The following IFT122 variants were observed in gnomAD, a reference collection of about 807,000 sequenced individuals.
IFT122 encodes intraflagellar transport 122, also known as intraflagellar transport protein 122 homolog.
In IFT122, 118 loss-of-function variants were observed where a neutral mutation model predicts 161.6. The ratio of observed to expected loss-of-function variants is 0.73; its 90% CI spans 0.63 to 0.85. IFT122 has a LOEUF of 0.85. Among genes scored for constraint, IFT122 ranks in the 40% least tolerant of loss-of-function variants. The pLI is 0.00. For missense variants in IFT122, 1,381 were observed against 1,579.6 expected, an observed-to-expected ratio of 0.87 and a Z score of 2.13; for synonymous variants, 550 against 602.4, an observed-to-expected ratio of 0.91 and a Z score of 1.27.
chr3:129,469,518 G>A, intron 9 of IFT122, 101 bp downstream of exon 9: 2 of 921,218 alleles, frequency 2.2e-6, no homozygotes, highest in Non-Finnish European at 3.5e-6. Context: ...GTTAGTTCCT[G>A]CTTATTGAGC....
rs757979000 is a variant in IFT122 at position 129,507,675 on chromosome 3, C to T, written c.2799C>T (p.Ala933=). 6.2e-6 allele frequency: 10 copies of T among 1,613,976 alleles called. No homozygotes were observed. The South Asian group carries it at 9.9e-5, about 16-fold the overall frequency. ...ACCCGCTGCACACAGCAGATCCTGCCCAGAAGGACACAATGCTTGGCAAGT... is the reference window on the plus strand; with the variant it reads ...ACCCGCTGCACACAGCAGATCCTGCTCAGAAGGACACAATGCTTGGCAAGT... ...MQCLDIAQDP[A]QKDTMLGKFY... is the part of the protein sequence containing the mutation. The change falls in exon 23 of 30, where the codon GCC becomes GCT. Residue 933 remains alanine, a synonymous_variant. Transcript: ENST00000348417.
At chr3:129,469,192 G>T in intron 8 of IFT122, 150 bp from the exon 9 acceptor site, 1 of 688,056 alleles carries the variant, frequency 1.5e-6, no homozygotes. Context: ...GATGGGTTGG[G>T]CCAAATTATA....
intron 1 of IFT122, 66 bp downstream of exon 1, chr3:129,440,437 G>A: frequency 7.2e-6 from 11 of 1,536,826 alleles, no homozygotes; most frequent in Non-Finnish European, 9.7e-6. Context: ...GCGAGCCGCT[G>A]CAGCGTGTTT....
In IFT122 at chr3:129,499,213, T is replaced by C. The variant is rs71333617; in HGVS notation, c.2209-689T>C. ...AGCACAGGATCCCTAACCATTCAGC[T>C]GAGAAGCAACTAACCAGAGAGATGT... On this transcript the variant is annotated intron_variant, in intron 18 of 29. Transcript: ENST00000348417. Among the ~76,000 whole-genome samples, 1,406 of 152,246 alleles carry C rather than the reference T, an allele frequency of 9.2e-3. 17 individuals carry two copies. The highest frequency in any genetic ancestry group is 0.032 in the African/African-American group (1,313 of 41,482).
intron 17 of IFT122, among the ~76,000 whole-genome samples, chr3:129,495,207 A>G (rs1412775393): frequency 6.6e-6 from 1 of 152,218 alleles, no homozygotes; most frequent in Non-Finnish European, 1.5e-5. Context: ...AGGAATTTCC[A>G]TTAAACAAAC....
At chr3:129,509,369 G>T (rs1488254139) in intron 23 of IFT122, among the ~76,000 whole-genome samples, 1 of 152,146 alleles carries the variant, frequency 6.6e-6, no homozygotes, top group Non-Finnish European at 1.5e-5. Flanking sequence ...GCTCTCGGTT[G>T]TTGTCAACTT....
intron 19 of IFT122, among the ~76,000 whole-genome samples, chr3:129,500,804 G>C (rs183777200): frequency 2.0e-5 from 3 of 152,296 alleles, no homozygotes; most frequent in Non-Finnish European, 4.4e-5. Flanking sequence ...CACTGGAAGG[G>C]CCTCCGATGC....
chr3:129,463,633 G>A lies in IFT122; in HGVS notation c.416+7G>A, dbSNP rs1048842240. 2 of 1,609,776 alleles carry A rather than the reference G, an allele frequency of 1.2e-6. No homozygotes were observed. The highest frequency in any genetic ancestry group is 1.7e-6 in the Non-Finnish European group (2 of 1,176,300). ...GCAAGATCATCTGCTGCAGGTAAGT[G>A]CAGCTCTGACGATAAGATTTATGTT... On this transcript the variant is annotated splice_region_variant and intron_variant, in intron 6 of 29. Coordinates refer to ENST00000348417, the MANE Select transcript of IFT122 (RefSeq NM_052989.3).
intron 22 of IFT122, 68 bp from the exon 23 acceptor site, chr3:129,507,599 TC>T: frequency 8.2e-7 from 1 of 1,216,656 alleles, no homozygotes; most frequent in Non-Finnish European, 1.2e-6. Flanking sequence ...TGGCCCCTCC[TC>T]CTGGGGCCAG....
Position 129,478,218 on chromosome 3 carries a change from G to C in IFT122, c.1350G>C (p.Gln450His). The change falls in exon 12 of 30, where the codon CAG (glutamine) becomes CAC (histidine). Residue 450 changes from glutamine to histidine, a missense_variant and splice_region_variant. Gln to His is a conservative substitution (Grantham distance 24, BLOSUM62 0). Transcript: ENST00000348417. ...VVCANHIILC[Q>H]EKRLQCLSFS... ...GTGCCAATCACATCATCCTGTGCCA[G>C]GTGGGCAGCAGCATGTTGAAGGAGT... 2 of 1,614,034 alleles carry C rather than the reference G, an allele frequency of 1.2e-6. No individual in the cohort carries two copies. The highest frequency in any genetic ancestry group is 1.7e-6 in the Non-Finnish European group (2 of 1,179,910).
intron 16 of IFT122, 80 bp downstream of exon 16, chr3:129,488,477 G>C: frequency 6.3e-7 from 1 of 1,586,280 alleles, no homozygotes; most frequent in Non-Finnish European, 8.6e-7. Flanking sequence ...CAGGTGGCAC[G>C]GAGAGGCCAT....
In IFT122 at chr3:129,498,859, C is replaced by G. The variant is rs558060952; in HGVS notation, c.2209-1043C>G. Among the ~76,000 whole-genome samples the G allele has an allele frequency of 9.7e-4, 148 of 152,280 alleles. 1 individual carries two copies. In the Middle Eastern group the frequency reaches 0.014, roughly 14 times the overall value. On this transcript the variant is annotated intron_variant, in intron 18 of 29. Coordinates refer to ENST00000348417, the MANE Select transcript of IFT122 (RefSeq NM_052989.3). Reference sequence around the variant, plus strand: ...TGGGCTGTAAGTGCTCCCAGTTTCCCTTTTTGAAAAGCTCCACCTTTAAAA... The same window carrying G: ...TGGGCTGTAAGTGCTCCCAGTTTCCGTTTTTGAAAAGCTCCACCTTTAAAA...
intron 26 of IFT122, among the ~76,000 whole-genome samples, chr3:129,516,728 AG>A (rs1261921816): frequency 2.4e-5 from 2 of 82,250 alleles, no homozygotes; most frequent in Admixed American, 1.8e-4. Flanking sequence ...ACACACACAG[AG>A]AGACTGCCCC....
chr3:129,515,277 G>A, intron 25 of IFT122: 1 of 627,532 alleles, frequency 1.6e-6, no homozygotes, highest in South Asian at 1.9e-5. Flanking sequence ...TTGGGCACGG[G>A]GACCCAAGTG....
chr3:129,449,280 A>G (rs2074443607), intron 1 of IFT122, among the ~76,000 whole-genome samples: 2 of 152,226 alleles, frequency 1.3e-5, no homozygotes, highest in South Asian at 2.1e-4. Context: ...TTGTGTATCA[A>G]TAAGAAAGCA....
In IFT122 at chr3:129,461,429, G is replaced by A. The variant is rs1223698937; in HGVS notation, c.349+125G>A. Reference sequence around the variant, plus strand: ...TTAATACTACTTCTCTACCTTCAATGGCTGAGGGGAGGCTGACAGTTATTC... The same window carrying A: ...TTAATACTACTTCTCTACCTTCAATAGCTGAGGGGAGGCTGACAGTTATTC... On this transcript the variant is annotated intron_variant, in intron 5 of 29. Transcript: ENST00000348417. 1.4e-5 allele frequency: 11 copies of A among 759,024 alleles called. 1 individual carries two copies. The highest frequency in any genetic ancestry group is 1.0e-4 in the African/African-American group (6 of 58,308). The allele number at this position is 759,024 out of a possible 1,614,324, so 47.0% of individuals were successfully genotyped here.
chr3:129,469,460 T>A, intron 9 of IFT122, 43 bp downstream of exon 9: 2 of 1,437,846 alleles, frequency 1.4e-6, no homozygotes, highest in Non-Finnish European at 2.0e-6. Flanking sequence ...ATGCCTGTTA[T>A]ATTTTCATTT....
At chr3:129,494,205 T>C (rs892150351) in intron 17 of IFT122, among the ~76,000 whole-genome samples, 1 of 147,556 alleles carries the variant, frequency 6.8e-6, no homozygotes, top group Non-Finnish European at 1.5e-5. Flanking sequence ...ACCTTTTTTG[T>C]TTGTTTGTTT....
intron 24 of IFT122, 37 bp from the exon 25 acceptor site, chr3:129,514,352 G>A (rs1201994229): frequency 6.2e-7 from 1 of 1,611,968 alleles, no homozygotes; most frequent in Non-Finnish European, 8.5e-7. Flanking sequence ...CCTGGGCCTG[G>A]TGTTGCCCCT....
Sources: gnomAD v4.1 joint callset for allele counts (sites outside exome capture counted in the v4.1 genomes callset) on GRCh38, gnomAD v4.1.1 for gene constraint, MANE v1.5 for transcripts, NCBI Gene and HGNC (gene_info 2026-07-23, HGNC 2026-07-21) for gene names.